The following FHIT variants were observed in gnomAD, a reference collection of about 807,000 sequenced individuals.
The protein encoded by FHIT is bis(5'-adenosyl)-triphosphatase.
FHIT carries 19 observed loss-of-function variants against 17.9 expected under a neutral mutation model. The observed-to-expected ratio is 1.06, with a 90% CI of 0.74 to 1.56. The LOEUF (loss-of-function observed/expected upper bound fraction) is 1.56, where lower values mean the gene tolerates loss of function less well. FHIT is among the 40% of genes most tolerant of loss of function. FHIT has a pLI of 0.00. For synonymous variants in FHIT, 81 were observed against 69.7 expected (o/e 1.16, Z -0.81); for missense variants, 248 against 189.2 (o/e 1.31, Z -1.82).
At chr3:60,629,418 A>T (rs986664490) in intron 4 of FHIT, among the ~76,000 whole-genome samples, 1 of 152,160 alleles carries the variant, frequency 6.6e-6, no homozygotes, top group African/African-American at 2.4e-5. Context: ...GAGTTTCTTT[A>T]TATTTTTCAT....
intron 4 of FHIT, among the ~76,000 whole-genome samples, chr3:60,741,012 C>G (rs945353299): frequency 3.3e-5 from 5 of 152,130 alleles, no homozygotes; most frequent in Non-Finnish European, 7.3e-5. Flanking sequence ...CTCCTCTAAT[C>G]AATATTAACC....
At chr3:60,115,316 A>T (rs766034768) in intron 5 of FHIT, among the ~76,000 whole-genome samples, 1 of 152,204 alleles carries the variant, frequency 6.6e-6, no homozygotes, top group Non-Finnish European at 1.5e-5. Context: ...TCAAATCAAT[A>T]TGGTACAAAT....
chr3:60,861,473 T>C (rs1553752609), intron 3 of FHIT, among the ~76,000 whole-genome samples: 2 of 150,870 alleles, frequency 1.3e-5, no homozygotes, highest in South Asian at 2.1e-4. Flanking sequence ...AGTAGTAACC[T>C]CTCCAGTAGC....
chr3:59,922,818 T>C (rs573635182), intron 7 of FHIT, among the ~76,000 whole-genome samples: 48 of 152,094 alleles, frequency 3.2e-4, no homozygotes, highest in Non-Finnish European at 5.9e-4. Flanking sequence ...GTGAATGAGG[T>C]AGCAAGTAGT....
chr3:60,355,353 T>C (rs1488184737), intron 5 of FHIT, among the ~76,000 whole-genome samples: 1 of 152,180 alleles, frequency 6.6e-6, no homozygotes, highest in African/African-American at 2.4e-5. Flanking sequence ...GCTGTCCTTT[T>C]ATAGGCCAAC....
chr3:59,780,610 G>A (rs965500305), intron 8 of FHIT, among the ~76,000 whole-genome samples: 2 of 152,160 alleles, frequency 1.3e-5, no homozygotes, highest in Non-Finnish European at 2.9e-5. Context: ...CTTCGCAGAG[G>A]TGATTAGGGT....
At chr3:61,049,270 A>C (rs562772739) in intron 2 of FHIT, among the ~76,000 whole-genome samples, 6 of 151,812 alleles carry the variant, frequency 4.0e-5, no homozygotes, top group Non-Finnish European at 7.4e-5. Flanking sequence ...GCATTCATTC[A>C]TTAATTAAAA....
At chr3:59,850,741 A>T (rs1431293616) in intron 8 of FHIT, among the ~76,000 whole-genome samples, 1 of 152,170 alleles carries the variant, frequency 6.6e-6, no homozygotes, top group South Asian at 2.1e-4. Flanking sequence ...GGACTCACAC[A>T]TGTCTGAGAA....
intron 5 of FHIT, among the ~76,000 whole-genome samples, chr3:60,356,007 A>G (rs1237644045): frequency 6.6e-6 from 1 of 152,222 alleles, no homozygotes; most frequent in African/African-American, 2.4e-5. Flanking sequence ...CAATGAGTTC[A>G]GAGATCCAAA....
chr3:60,674,764 G>C (rs2040583918), intron 4 of FHIT, among the ~76,000 whole-genome samples: 1 of 152,118 alleles, frequency 6.6e-6, no homozygotes, highest in African/African-American at 2.4e-5. Context: ...GCAACCACTA[G>C]TGTCTTTGTT....
At chr3:61,199,928 A>G (rs546378802) in intron 2 of FHIT, among the ~76,000 whole-genome samples, 8 of 152,362 alleles carry the variant, frequency 5.3e-5, no homozygotes, top group Middle Eastern at 3.4e-3. Context: ...TAAACAATGA[A>G]TCAAAGAACA....
intron 3 of FHIT, among the ~76,000 whole-genome samples, chr3:61,027,275 C>A (rs1181922618): frequency 6.6e-6 from 1 of 152,098 alleles, no homozygotes; most frequent in Non-Finnish European, 1.5e-5. Context: ...TTAGTAGAGA[C>A]AGGGTTTTGC....
intron 2 of FHIT, among the ~76,000 whole-genome samples, chr3:61,106,910 C>T (rs553587724): frequency 1.3e-5 from 2 of 152,272 alleles, no homozygotes; most frequent in East Asian, 3.9e-4. Flanking sequence ...CTGCCCACCT[C>T]GGCCTCCCAA....
At chr3:60,749,596 C>T (rs2042426972) in intron 4 of FHIT, among the ~76,000 whole-genome samples, 1 of 152,118 alleles carries the variant, frequency 6.6e-6, no homozygotes, top group African/African-American at 2.4e-5. Flanking sequence ...ATTGTCACCA[C>T]TAACACAAAT....
chr3:60,941,914 T>A (rs1293223767), intron 3 of FHIT, among the ~76,000 whole-genome samples: 3 of 152,230 alleles, frequency 2.0e-5, no homozygotes, highest in African/African-American at 7.2e-5. Flanking sequence ...CCCTTTGCCC[T>A]GGTAAAATTA....
intron 5 of FHIT, among the ~76,000 whole-genome samples, chr3:60,262,071 T>C (rs1038138177): frequency 3.3e-5 from 5 of 152,060 alleles, no homozygotes; most frequent in African/African-American, 4.8e-5. Flanking sequence ...GGAATGATCC[T>C]GTGTCACATA....
intron 5 of FHIT, among the ~76,000 whole-genome samples, chr3:60,229,919 C>G (rs1253881863): frequency 1.3e-5 from 2 of 152,228 alleles, no homozygotes; most frequent in African/African-American, 4.8e-5. Flanking sequence ...GACTTTGAGG[C>G]TGCAGTGAGC....
At chr3:60,112,803 A>G (rs1340476523) in intron 5 of FHIT, among the ~76,000 whole-genome samples, 1 of 152,212 alleles carries the variant, frequency 6.6e-6, no homozygotes. Context: ...AGCAGCAATC[A>G]AGGCTGCCAC....
intron 8 of FHIT, among the ~76,000 whole-genome samples, chr3:59,896,366 G>C (rs974082328): frequency 3.3e-5 from 5 of 152,186 alleles, no homozygotes; most frequent in African/African-American, 1.2e-4. Context: ...TGTGTTAACT[G>C]TCACTTACAA....
Sources: allele counts gnomAD v4.1 joint callset (sites outside exome capture counted in the v4.1 genomes callset), GRCh38; gene constraint gnomAD v4.1.1; transcripts MANE v1.5; gene names NCBI Gene and HGNC (gene_info 2026-07-23, HGNC 2026-07-21).